Variants in MCM6 observed in about 807,000 individuals in gnomAD.
The protein encoded by MCM6 is minichromosome maintenance complex component 6, also known as DNA replication licensing factor MCM6.
In MCM6, 46 loss-of-function variants were observed where a neutral mutation model predicts 94.3. The observed-to-expected ratio is 0.49, with a 90% CI of 0.39 to 0.62. The LOEUF (loss-of-function observed/expected upper bound fraction) is 0.62. Ranked by LOEUF, MCM6 falls within the 20% of genes least tolerant of loss-of-function variation. MCM6 has a pLI of 0.00. For missense variants in MCM6, 865 were observed against 1,017.9 expected (o/e 0.85, Z 2.04); for synonymous variants, 335 against 351.9 (o/e 0.95, Z 0.54).
chr2:135,842,107 G>GATAAATAA lies in MCM6; in HGVS notation c.2350-1164_2350-1157dup, dbSNP rs111345267. ...GCAACAGAGCAAGACTCTCTCAAAAGATAAATAAATAAATAAATAAATAAA... is the reference window on the plus strand; with the variant it reads ...GCAACAGAGCAAGACTCTCTCAAAAGATAAATAAATAAATAAATAAATAAATAAATAAA... On this transcript the variant is annotated intron_variant, in intron 16 of 16. Coordinates refer to ENST00000264156, the MANE Select transcript of MCM6 (RefSeq NM_005915.6). Among the ~76,000 whole-genome samples, 507 of 151,498 alleles carry GATAAATAA rather than the reference G, an allele frequency of 3.3e-3. 3 individuals are homozygous for GATAAATAA. The highest frequency in any genetic ancestry group is 6.5e-3 in the South Asian group (31 of 4,778).
At chr2:135,862,873 A>G (rs1451454927) in intron 7 of MCM6, 125 bp from the exon 8 acceptor site, 8 of 933,038 alleles carry the variant, frequency 8.6e-6, no homozygotes, top group Non-Finnish European at 1.1e-5. Flanking sequence ...AAAGCATAAA[A>G]CTGGAGTAAT....
At chr2:135,864,371 C>T (rs4988185) in intron 7 of MCM6, among the ~76,000 whole-genome samples, 10,001 of 152,134 alleles carry the variant, frequency 0.066, 606 homozygotes, top group African/African-American at 0.16. Context: ...GTGACCTACA[C>T]CTGTAATCCC....
At chr2:135,872,917 T>C (rs1253478242) in intron 1 of MCM6, 74 bp from the exon 2 acceptor site, 1 of 1,551,776 alleles carries the variant, frequency 6.4e-7, no homozygotes, top group Non-Finnish European at 8.7e-7. Context: ...TTCAGAACAT[T>C]GGTTAAAGTC....
chr2:135,865,792 C>T (rs2105588575), intron 6 of MCM6, among the ~76,000 whole-genome samples: 1 of 152,212 alleles, frequency 6.6e-6, no homozygotes, highest in East Asian at 1.9e-4. Context: ...TTAACCCCAT[C>T]CCGTGCTCTC....
At chr2:135,866,450 T>C in intron 5 of MCM6, 113 bp downstream of exon 5, 1 of 1,408,714 alleles carries the variant, frequency 7.1e-7, no homozygotes, top group Non-Finnish European at 9.7e-7. Flanking sequence ...TCACACTTCG[T>C]TCCTCAGCTT....
intron 1 of MCM6, among the ~76,000 whole-genome samples, chr2:135,873,714 A>C (rs1031609221): frequency 6.6e-6 from 1 of 152,254 alleles, no homozygotes; most frequent in African/African-American, 2.4e-5. Flanking sequence ...CCCTAGGGTT[A>C]ACTAACACTT....
chr2:135,842,145 G>C (rs1396722291), intron 16 of MCM6, among the ~76,000 whole-genome samples: 1 of 151,980 alleles, frequency 6.6e-6, no homozygotes, highest in Admixed American at 6.6e-5. Context: ...GGTAATTCAA[G>C]TTTAGATCAG....
At chr2:135,859,232 TA>T in intron 9 of MCM6, 68 bp downstream of exon 9, 5 of 1,255,232 alleles carry the variant, frequency 4.0e-6, no homozygotes, top group Non-Finnish European at 5.6e-6. Context: ...AATGGTAACT[TA>T]TAGGCCTTTA....
chr2:135,844,469 C>A, intron 16 of MCM6, 76 bp downstream of exon 16: 1 of 1,310,562 alleles, frequency 7.6e-7, no homozygotes, highest in South Asian at 2.5e-5. Context: ...AAAAAAATTT[C>A]ACTAGTGAAC....
chr2:135,854,304 G>A lies in MCM6; in HGVS notation c.1627-1389C>T, dbSNP rs569402353. ...CCTCAGCACGTTGGGAGGCCAAGAC[G>A]GGATCACCTGAGGTCAGGAGTTTGA... On this transcript the variant is annotated intron_variant, in intron 11 of 16. Coordinates refer to ENST00000264156, the MANE Select transcript of MCM6 (RefSeq NM_005915.6). 4.6e-5 allele frequency among the ~76,000 whole-genome samples: 7 copies of A among 151,956 alleles called. No homozygotes were observed. The South Asian group carries it at 1.5e-3, about 32-fold the overall frequency.
chr2:135,875,320 T>C (rs570942366), intron 1 of MCM6, among the ~76,000 whole-genome samples: 36 of 151,344 alleles, frequency 2.4e-4, no homozygotes, highest in African/African-American at 8.5e-4. Context: ...GCTGAGATGG[T>C]GACACTGCAC....
chr2:135,853,264 A>G (rs1266960992), intron 11 of MCM6, among the ~76,000 whole-genome samples: 1 of 152,164 alleles, frequency 6.6e-6, no homozygotes, highest in Non-Finnish European at 1.5e-5. Context: ...CAGGGCGACA[A>G]ACTGAGACCC....
At chr2:135,867,988 C>T (rs1673063573) in intron 4 of MCM6, among the ~76,000 whole-genome samples, 2 of 152,080 alleles carry the variant, frequency 1.3e-5, no homozygotes, top group African/African-American at 2.4e-5. Context: ...GATCGCGCCA[C>T]TGCACTCCAG....
chr2:135,868,973 G>T, intron 3 of MCM6, 113 bp from the exon 4 acceptor site: 1 of 1,038,164 alleles, frequency 9.6e-7, no homozygotes. Context: ...AAATTCAAGA[G>T]ACAAGGTATT....
At position 135,840,903 on chromosome 2, in the gene MCM6, C is replaced by T. The variant is rs537826900; in HGVS notation, c.2398G>A (p.Glu800Lys). The change falls in exon 17 of 17, where the codon GAG (glutamate) becomes AAG (lysine). Residue 800 changes from glutamate to lysine, a missense_variant. Glu to Lys is a moderately conservative substitution (Grantham distance 56, BLOSUM62 1). Transcript: ENST00000264156. ...LTQAGLKGST[E>K]GSESYEEDPY... ...TCTTCTTCATAGCTCTCACTTCCCT[C>T]TGTGGAGCCTTTCAATCCAGCCTGG... is the stretch of plus-strand genomic sequence containing the variant. The T allele has an allele frequency of 6.2e-7, 1 of 1,614,194 alleles. No homozygotes were observed. Among genetic ancestry groups the T allele is most frequent in the African/African-American group, 1.3e-5 (1 of 75,050 alleles).
At chr2:135,863,343 T>C (rs1015868295) in intron 7 of MCM6, among the ~76,000 whole-genome samples, 2 of 152,248 alleles carry the variant, frequency 1.3e-5, no homozygotes, top group Non-Finnish European at 2.9e-5. Flanking sequence ...GAAACATTTT[T>C]CTGTGGAACT....
intron 3 of MCM6, 63 bp from the exon 4 acceptor site, chr2:135,868,923 T>C (rs909234843): frequency 1.3e-6 from 2 of 1,481,952 alleles, no homozygotes; most frequent in African/African-American, 2.8e-5. Context: ...CTTTCCATTT[T>C]AGTGAGAGGG....
chr2:135,850,862 C>G (rs1220462429), intron 13 of MCM6, among the ~76,000 whole-genome samples: 1 of 152,160 alleles, frequency 6.6e-6, no homozygotes, highest in East Asian at 1.9e-4. Flanking sequence ...TCAAAGACGA[C>G]CTTACATCAA....
intron 6 of MCM6, 30 bp from the exon 7 acceptor site, chr2:135,865,193 T>C (rs2105588141): frequency 7.0e-7 from 1 of 1,430,908 alleles, no homozygotes; most frequent in Non-Finnish European, 9.2e-7. Flanking sequence ...GAAGAATCAT[T>C]AGTATAGAAG....
Sources: allele counts gnomAD v4.1 joint callset (sites outside exome capture counted in the v4.1 genomes callset), GRCh38; gene constraint gnomAD v4.1.1; transcripts MANE v1.5; gene names NCBI Gene and HGNC (gene_info 2026-07-23, HGNC 2026-07-21).